Variants in DIPK2A observed in about 807,000 individuals in gnomAD.
DIPK2A encodes divergent protein kinase domain 2A, also known as Golgi Protein of 49 kDa.
A neutral mutation model predicts 39.0 loss-of-function variants in DIPK2A; 27 were observed. The observed-to-expected ratio is 0.69, with a 90% CI of 0.51 to 0.96. The LOEUF is 0.96. Among genes scored for constraint, DIPK2A ranks in the 40% least tolerant of loss-of-function variants. The pLI is 0.00. For synonymous variants in DIPK2A, 298 were observed against 240.8 expected (o/e 1.24, Z -2.20); for missense variants, 528 against 571.3 (o/e 0.92, Z 0.77).
intron 1 of DIPK2A, among the ~76,000 whole-genome samples, chr3:143,977,687 A>G (rs1208184757): frequency 6.6e-6 from 1 of 152,120 alleles, no homozygotes; most frequent in Non-Finnish European, 1.5e-5. Context: ...GGTTCTTAGT[A>G]GAGCAGTTTT....
intron 1 of DIPK2A, among the ~76,000 whole-genome samples, chr3:143,980,495 G>C (rs149836240): frequency 0.013 from 2,038 of 152,232 alleles, 47 homozygotes; most frequent in African/African-American, 0.046. Flanking sequence ...TCAAACTCCT[G>C]ACCTTAGGTG....
intron 2 of DIPK2A, chr3:143,986,139 T>A: frequency 3.4e-6 from 1 of 290,992 alleles, no homozygotes; most frequent in South Asian, 7.4e-5. Flanking sequence ...ACACTTACAT[T>A]AGTCTAAAGT....
rs2087964328 is a variant in DIPK2A, at chr3:143,990,335, A to T, written c.*494A>T. ...TAATTAAATTTTGAAAATTCAGGTT[A>T]CTGTAGGTGTTCATTTAAATTTTTA... On this transcript the variant is annotated 3_prime_UTR_variant, in exon 3 of 3. Coordinates refer to ENST00000315691, the MANE Select transcript of DIPK2A (RefSeq NM_173552.5). 1 of 143,868 alleles carries T rather than the reference A, an allele frequency of 7.0e-6. No homozygotes were observed. The allele number at this position is 143,868 out of a possible 1,614,324, so 8.9% of individuals were successfully genotyped here.
At chr3:143,977,901 A>G (rs2087753396) in intron 1 of DIPK2A, among the ~76,000 whole-genome samples, 1 of 152,134 alleles carries the variant, frequency 6.6e-6, no homozygotes, top group Non-Finnish European at 1.5e-5. Context: ...ATCACTTCAG[A>G]ATCAGTAGAG....
At chr3:143,977,874 A>G (rs748188712) in intron 1 of DIPK2A, among the ~76,000 whole-genome samples, 18 of 152,128 alleles carry the variant, frequency 1.2e-4, no homozygotes, top group African/African-American at 1.4e-4. Context: ...GAAACAGACA[A>G]TCGCCCTTAA....
chr3:143,980,589 T>G (rs2087814257), intron 1 of DIPK2A, among the ~76,000 whole-genome samples: 1 of 152,068 alleles, frequency 6.6e-6, no homozygotes, highest in Non-Finnish European at 1.5e-5. Context: ...TTTCTATGCT[T>G]TTGATGACAT....
intron 1 of DIPK2A, among the ~76,000 whole-genome samples, chr3:143,981,749 A>G (rs1249554370): frequency 6.6e-6 from 1 of 152,226 alleles, no homozygotes; most frequent in African/African-American, 2.4e-5. Flanking sequence ...TAACTTCAAC[A>G]AAAGGATATT....
At chr3:143,980,909 A>G (rs1041979679) in intron 1 of DIPK2A, among the ~76,000 whole-genome samples, 3 of 152,170 alleles carry the variant, frequency 2.0e-5, no homozygotes, top group African/African-American at 7.2e-5. Flanking sequence ...GATCTTTTAA[A>G]TTTAGTATAC....
At chr3:143,989,393 T>C (rs1184902390) in intron 2 of DIPK2A, 117 bp from the exon 3 acceptor site, 15 of 647,494 alleles carry the variant, frequency 2.3e-5, no homozygotes, top group Non-Finnish European at 3.7e-5. Flanking sequence ...GGTTATAATA[T>C]ACTTTTACCT....
chr3:143,984,527 A>AT (rs2087871257), intron 1 of DIPK2A, among the ~76,000 whole-genome samples: 2 of 151,448 alleles, frequency 1.3e-5, no homozygotes, highest in Admixed American at 1.3e-4. Context: ...TTCCCTGGGG[A>AT]TGGCTAGTTG....
At chr3:143,978,580 GTATCTA>G (rs2087763231) in intron 1 of DIPK2A, 1 of 129,356 alleles carries the variant, frequency 7.7e-6, no homozygotes, top group African/African-American at 2.9e-5. Context: ...TGTACAAAAG[GTATCTA>G]TATCTATCTA....
Position 143,972,831 on chromosome 3 carries a change from C to G in DIPK2A, c.499C>G (p.Leu167Val). 1 of 1,566,084 alleles carries G rather than the reference C, an allele frequency of 6.4e-7. No homozygotes were observed. The highest frequency in any genetic ancestry group is 8.6e-7 in the Non-Finnish European group (1 of 1,158,990). ...TPEAVEGWSDLVHCPSQRLLD... is the reference protein window; with the variant it reads ...TPEAVEGWSDVVHCPSQRLLD... ...CGAGGCGGTGGAGGGCTGGTCGGACCTGGTGCACTGCCCCTCGCAGCGCCT... is the reference window on the plus strand; with the variant it reads ...CGAGGCGGTGGAGGGCTGGTCGGACGTGGTGCACTGCCCCTCGCAGCGCCT... Residue 167 changes from leucine to valine, a missense_variant, in exon 1 of 3, where the codon CTG becomes GTG. This residue lies in a region of DIPK2A where 309 missense variants were observed against 289.8 expected (regional missense o/e 1.07). Coordinates refer to ENST00000315691, the MANE Select transcript of DIPK2A (RefSeq NM_173552.5).
chr3:143,983,966 A>C (rs2087862982), intron 1 of DIPK2A, among the ~76,000 whole-genome samples: 1 of 152,206 alleles, frequency 6.6e-6, no homozygotes, highest in Admixed American at 6.5e-5. Context: ...TCTTCTGGAT[A>C]ATTTGCTATG....
chr3:143,978,622 C>CTATATATATATATATATCTATATA (rs1346905170), intron 1 of DIPK2A: 4 of 121,676 alleles, frequency 3.3e-5, no homozygotes, highest in South Asian at 2.7e-4. Flanking sequence ...ATATCTATAT[C>CTATATATATATATATATCTATATA]TATATATATA....
At chr3:143,976,296 C>A (rs2087727439) in intron 1 of DIPK2A, among the ~76,000 whole-genome samples, 1 of 151,942 alleles carries the variant, frequency 6.6e-6, no homozygotes, top group Non-Finnish European at 1.5e-5. Flanking sequence ...GATACCCTTT[C>A]CTCGTCGTCA....
chr3:143,983,472 A>T (rs914598598), intron 1 of DIPK2A, among the ~76,000 whole-genome samples: 60 of 152,240 alleles, frequency 3.9e-4, no homozygotes, highest in Non-Finnish European at 5.7e-4. Context: ...GTAAATGATA[A>T]AATTAAGGCA....
chr3:143,989,116 C>T (rs1341501343), intron 2 of DIPK2A, among the ~76,000 whole-genome samples: 5 of 152,160 alleles, frequency 3.3e-5, no homozygotes, highest in South Asian at 2.1e-4. Flanking sequence ...CTATTTTTTC[C>T]TAGTTTCTTT....
At chr3:143,974,667 A>T (rs2107838546) in intron 1 of DIPK2A, among the ~76,000 whole-genome samples, 1 of 152,216 alleles carries the variant, frequency 6.6e-6, no homozygotes, top group Non-Finnish European at 1.5e-5. Flanking sequence ...ATATACATTT[A>T]CTGTACTTAA....
chr3:143,983,490 A>G (rs1222949295), intron 1 of DIPK2A, among the ~76,000 whole-genome samples: 1 of 152,252 alleles, frequency 6.6e-6, no homozygotes, highest in Non-Finnish European at 1.5e-5. Flanking sequence ...GCAGAAGTAA[A>G]TAAGTTATTT....
Sources: allele counts gnomAD v4.1 joint callset (sites outside exome capture counted in the v4.1 genomes callset), GRCh38; gene constraint gnomAD v4.1.1; regional missense constraint gnomAD v4.1.1; transcripts MANE v1.5; gene names NCBI Gene and HGNC (gene_info 2026-07-23, HGNC 2026-07-21).